Variants in TTC27 observed in about 807,000 individuals in gnomAD.
TTC27 encodes the protein tetratricopeptide repeat domain 27.
A neutral mutation model predicts 115.9 loss-of-function variants in TTC27; 79 were observed. The ratio of observed to expected loss-of-function variants is 0.68; its 90% confidence interval spans 0.57 to 0.82. The LOEUF (loss-of-function observed/expected upper bound fraction) is 0.82. TTC27 is among the 40% of genes least tolerant of loss of function. TTC27 has a pLI of 0.00. For synonymous variants in TTC27, 401 were observed against 356.0 expected (o/e 1.13, Z -1.42); for missense variants, 1,054 against 993.1 (o/e 1.06, Z -0.82).
chr2:32,674,048 G>T lies in TTC27; in HGVS notation c.1052+1664G>T, dbSNP rs1418107098. Among the ~76,000 whole-genome samples, 3 of 152,014 alleles carry T rather than the reference G, an allele frequency of 2.0e-5. No individual in the cohort carries two copies. The East Asian group carries it at 5.8e-4, about 29-fold the overall frequency. On this transcript the variant is annotated intron_variant, in intron 8 of 19. Coordinates refer to ENST00000317907, the MANE Select transcript of TTC27 (RefSeq NM_017735.5). The stretch of plus-strand genomic sequence containing the variant: ...ATGAATATCCCATTTGTCATCAAGA[G>T]ATTTATTAATATTCAAAATAGAATC...
At chr2:32,697,628 T>C (rs1433243053) in intron 9 of TTC27, among the ~76,000 whole-genome samples, 2 of 152,224 alleles carry the variant, frequency 1.3e-5, no homozygotes, top group Non-Finnish European at 2.9e-5. Context: ...GTTGGTCAAC[T>C]TTTAGTCTAC....
chr2:32,636,283 G>A (rs564880861), intron 3 of TTC27, among the ~76,000 whole-genome samples: 8 of 152,082 alleles, frequency 5.3e-5, no homozygotes, highest in South Asian at 2.1e-4. Flanking sequence ...GTGCGATCTC[G>A]GCTCACTGCA....
At position 32,633,940 on chromosome 2, in the gene TTC27, G is replaced by C; in HGVS notation, c.331G>C (p.Gly111Arg). 1.2e-6 allele frequency: 2 copies of C among 1,614,034 alleles called. No homozygotes were observed. Among genetic ancestry groups the C allele is most frequent in the East Asian group, 4.5e-5 (2 of 44,876 alleles). ...LQLFVQSNWT[G>R]PPVDLHPQDF... ...ACTTTTTGTTCAGAGCAACTGGACGGGGCCCCCTGTTGACTTACACCCTCA... is the reference window on the plus strand; with the variant it reads ...ACTTTTTGTTCAGAGCAACTGGACGCGGCCCCCTGTTGACTTACACCCTCA... The change falls in exon 3 of 20, where the codon GGG becomes CGG. Residue 111 changes from glycine (G) to arginine (R), a missense_variant. Physicochemically the swap from Gly to Arg is moderately radical, Grantham distance 125 (BLOSUM62 -2). Transcript: ENST00000317907.
In TTC27 at chr2:32,702,911, G is replaced by A. The variant is rs899059364; in HGVS notation, c.1224G>A (p.Arg408=). Residue 408 remains arginine (R), a synonymous_variant, in exon 10 of 20, where the codon AGG becomes AGA. Coordinates refer to ENST00000317907, the MANE Select transcript of TTC27 (RefSeq NM_017735.5). ...CTCGCCGAGTGGAACGGGCAATGAG[G>A]CAGACACAGGTAAGAATTAATGTGG... is the stretch of plus-strand genomic sequence containing the variant. ...GSTRRVERAM[R]QTQALADQFE... 1.9e-6 allele frequency: 3 copies of A among 1,613,160 alleles called. No individual in the cohort carries two copies. The East Asian group carries it at 6.7e-5, about 36-fold the overall frequency.
In TTC27 at chr2:32,645,831, C is replaced by G. The variant is rs1014451446; in HGVS notation, c.538-4300C>G. Among the ~76,000 whole-genome samples the G allele has an allele frequency of 2.6e-5, 4 of 151,838 alleles. No individual in the cohort carries two copies. The East Asian group carries it at 7.8e-4, about 30-fold the overall frequency. On this transcript the variant is annotated intron_variant, in intron 4 of 19. Transcript: ENST00000317907. ...TCCCGGGTTCAAGTGATTCTCCTGC[C>G]TCAGCCTCCCAAGTAGCTGGGACTA...
intron 16 of TTC27, among the ~76,000 whole-genome samples, chr2:32,806,454 T>C (rs1671130326): frequency 6.6e-6 from 1 of 152,214 alleles, no homozygotes; most frequent in Non-Finnish European, 1.5e-5. Context: ...AGAATTTGAA[T>C]TTTCTGACTT....
chr2:32,754,142 A>G (rs570199430), intron 12 of TTC27, among the ~76,000 whole-genome samples: 2 of 146,530 alleles, frequency 1.4e-5, no homozygotes, highest in South Asian at 2.4e-4. Flanking sequence ...AATTCATTCT[A>G]CATTCTTTTT....
chr2:32,745,759 G>T (rs1011004839), intron 12 of TTC27, among the ~76,000 whole-genome samples: 1 of 152,122 alleles, frequency 6.6e-6, no homozygotes, highest in Non-Finnish European at 1.5e-5. Flanking sequence ...GTTTAAAGAT[G>T]TGGAAACACT....
At chr2:32,727,884 A>G (rs1572553958) in intron 10 of TTC27, among the ~76,000 whole-genome samples, 1 of 152,130 alleles carries the variant, frequency 6.6e-6, no homozygotes, top group African/African-American at 2.4e-5. Context: ...TTGATGGATT[A>G]TAACTTACAG....
intron 5 of TTC27, among the ~76,000 whole-genome samples, chr2:32,656,633 G>A (rs1559190395): frequency 6.6e-6 from 1 of 152,112 alleles, no homozygotes; most frequent in Admixed American, 6.6e-5. Flanking sequence ...TGCTCACTCC[G>A]AGGATATTAT....
At chr2:32,664,188 T>A (rs553953723) in intron 5 of TTC27, 115 bp from the exon 6 acceptor site, 1 of 919,382 alleles carries the variant, frequency 1.1e-6, no homozygotes, top group African/African-American at 1.7e-5. Context: ...TGTTTAAAAT[T>A]ATTTAACAAC....
chr2:32,638,494 T>G lies in TTC27; in HGVS notation c.397-1776T>G, dbSNP rs1964860. Among the ~76,000 whole-genome samples, 388 of 152,062 alleles carry G rather than the reference T, an allele frequency of 2.6e-3. 4 individuals are homozygous for G. The highest frequency in any genetic ancestry group is 8.9e-3 in the African/African-American group (369 of 41,514). On this transcript the variant is annotated intron_variant, in intron 3 of 19. Coordinates refer to ENST00000317907, the MANE Select transcript of TTC27 (RefSeq NM_017735.5). ...CCCAGGTTCAAGCGATTCTCCTGCTTCAGCCTCCTGAGTAGCTGGGATTAC... is the reference window on the plus strand; with the variant it reads ...CCCAGGTTCAAGCGATTCTCCTGCTGCAGCCTCCTGAGTAGCTGGGATTAC...
intron 13 of TTC27, among the ~76,000 whole-genome samples, chr2:32,762,644 T>G (rs1270690786): frequency 1.3e-5 from 2 of 151,778 alleles, no homozygotes; most frequent in Non-Finnish European, 2.9e-5. Flanking sequence ...TTTTTTGTTT[T>G]GTTTTTTGAG....
At chr2:32,739,594 T>C (rs1004070680) in intron 12 of TTC27, among the ~76,000 whole-genome samples, 2 of 152,182 alleles carry the variant, frequency 1.3e-5, no homozygotes, top group Non-Finnish European at 2.9e-5. Context: ...TGTATAGTCA[T>C]TTACTTTGTC....
At chr2:32,776,061 CTT>C (rs1250388739) in intron 13 of TTC27, among the ~76,000 whole-genome samples, 1 of 152,184 alleles carries the variant, frequency 6.6e-6, no homozygotes, top group East Asian at 1.9e-4. Flanking sequence ...GAACTTCTAA[CTT>C]TTAGTTTCAA....
intron 16 of TTC27, among the ~76,000 whole-genome samples, chr2:32,789,585 C>T (rs1670460363): frequency 1.3e-5 from 2 of 151,960 alleles, no homozygotes; most frequent in South Asian, 4.2e-4. Context: ...CTGTTGGATG[C>T]CAAATCAAAA....
At chr2:32,638,295 T>G (rs939431224) in intron 3 of TTC27, among the ~76,000 whole-genome samples, 1 of 152,216 alleles carries the variant, frequency 6.6e-6, no homozygotes, top group African/African-American at 2.4e-5. Context: ...TATTAAATCT[T>G]TATTCCTCTA....
At chr2:32,657,969 A>G (rs971200976) in intron 5 of TTC27, among the ~76,000 whole-genome samples, 4 of 152,200 alleles carry the variant, frequency 2.6e-5, no homozygotes, top group Admixed American at 6.5e-5. Context: ...AGCTGGCATT[A>G]CAGGCGCGTG....
chr2:32,798,208 C>T (rs1414701902), intron 16 of TTC27, among the ~76,000 whole-genome samples: 1 of 150,050 alleles, frequency 6.7e-6, no homozygotes, highest in African/African-American at 2.5e-5. Context: ...AGATTGAGAC[C>T]ATCCTGGCTA....
Sources: gnomAD v4.1 joint callset for allele counts (sites outside exome capture counted in the v4.1 genomes callset) on GRCh38, gnomAD v4.1.1 for gene constraint, MANE v1.5 for transcripts, NCBI Gene and HGNC (gene_info 2026-07-23, HGNC 2026-07-21) for gene names.